Variants in LRRD1 observed in about 807,000 individuals in gnomAD.
LRRD1 encodes leucine rich repeats and death domain containing 1.
Under a neutral mutation model 69.5 loss-of-function variants are expected in LRRD1, and 49 were observed. That is an observed-to-expected ratio of 0.70 (90% CI 0.56 to 0.89). The LOEUF (loss-of-function observed/expected upper bound fraction) is 0.89, where lower values mean the gene tolerates loss of function less well. LRRD1 is among the 40% of genes least tolerant of loss of function. The pLI, the probability that LRRD1 is intolerant of heterozygous loss-of-function variation, is 0.00. For missense variants in LRRD1, 853 were observed against 956.0 expected, an observed-to-expected ratio of 0.89 and a Z score of 1.42; for synonymous variants, 303 against 338.9, an observed-to-expected ratio of 0.89 and a Z score of 1.16.
chr7:92,164,133 G>A lies in LRRD1; in HGVS notation c.1070C>T (p.Ala357Val), dbSNP rs1788850732. 1 of 1,549,532 alleles carries A rather than the reference G, an allele frequency of 6.5e-7. No homozygotes were observed. Among genetic ancestry groups the A allele is most frequent in the Non-Finnish European group, 8.7e-7 (1 of 1,146,310 alleles). ...QLLKIKELQL[A>V]DNKLEVISHK... is the part of the protein sequence containing the mutation. ...TGAAATAACTTCCAATTTATTGTCG[G>A]CCAGTTGGAGTTCTTTTATTTTGAG... is the stretch of plus-strand genomic sequence containing the variant. The change falls in exon 2 of 6, where the codon GCC (alanine) becomes GTC (valine). Residue 357 changes from alanine to valine, a missense_variant. Ala to Val is a moderately conservative substitution (Grantham distance 64). Transcript: ENST00000458448.
intron 3 of LRRD1, 118 bp downstream of exon 3, chr7:92,158,887 G>A (rs1788736393): frequency 1.3e-6 from 1 of 740,936 alleles, no homozygotes; most frequent in East Asian, 3.1e-5. Flanking sequence ...TCCTTCTAAT[G>A]GTGACTTAAT....
At chr7:92,178,877 GAA>G (rs1176553533) in intron 1 of LRRD1, 128 bp downstream of exon 1, 1 of 152,154 alleles carries the variant, frequency 6.6e-6, no homozygotes, top group Non-Finnish European at 1.5e-5. Flanking sequence ...TCTAAATGTG[GAA>G]AAAGAGACAT....
chr7:92,143,450 A>C (rs956853693), downstream of LRRD1, among the ~76,000 whole-genome samples: 25 of 152,152 alleles, frequency 1.6e-4, no homozygotes, highest in Non-Finnish European at 2.8e-4. Flanking sequence ...CTCTGGCCGC[A>C]CAGGAGCCCA....
At chr7:92,170,408 T>C (rs1789029505) in intron 1 of LRRD1, among the ~76,000 whole-genome samples, 1 of 152,042 alleles carries the variant, frequency 6.6e-6, no homozygotes, top group Non-Finnish European at 1.5e-5. Context: ...CCAAGCAGAT[T>C]CAACCCAAAT....
At chr7:92,158,458 T>C (rs1016813541) in intron 3 of LRRD1, among the ~76,000 whole-genome samples, 7 of 152,210 alleles carry the variant, frequency 4.6e-5, no homozygotes, top group Admixed American at 6.5e-5. Context: ...TGTGTATGTG[T>C]GTATATATAT....
intron 1 of LRRD1, among the ~76,000 whole-genome samples, chr7:92,173,203 C>T (rs577341181): frequency 1.3e-5 from 2 of 152,240 alleles, no homozygotes; most frequent in East Asian, 3.9e-4. Flanking sequence ...ATCAAAATGG[C>T]TTACATACTT....
chr7:92,145,394 G>T (rs1820293111), intron 5 of LRRD1, among the ~76,000 whole-genome samples: 1 of 150,818 alleles, frequency 6.6e-6, no homozygotes, highest in Admixed American at 6.6e-5. Context: ...CATAATTGTG[G>T]GTTATTTCTA....
chr7:92,151,900 G>C (rs1820476823), intron 3 of LRRD1, among the ~76,000 whole-genome samples: 1 of 147,670 alleles, frequency 6.8e-6, no homozygotes. Context: ...AGGGAGCCGA[G>C]ATAATGCCAT....
downstream of LRRD1, chr7:92,142,741 G>C: frequency 2.3e-6 from 1 of 438,452 alleles, no homozygotes; most frequent in Non-Finnish European, 4.5e-6. Flanking sequence ...CGCAGTGAGT[G>C]TTACAGCTCT....
chr7:92,149,049 A>AG (rs765119245), intron 4 of LRRD1, among the ~76,000 whole-genome samples: 5 of 99,800 alleles, frequency 5.0e-5, no homozygotes, highest in Non-Finnish European at 7.7e-5. Context: ...ACCTGGCCAA[A>AG]AATCCCTTTT....
intron 3 of LRRD1, among the ~76,000 whole-genome samples, chr7:92,158,539 T>A (rs1788723158): frequency 6.6e-6 from 1 of 152,304 alleles, no homozygotes; most frequent in East Asian, 1.9e-4. Context: ...GTGGTTTATT[T>A]TCTTATCTAC....
At chr7:92,154,696 G>C (rs1266844754) in intron 3 of LRRD1, among the ~76,000 whole-genome samples, 1 of 151,864 alleles carries the variant, frequency 6.6e-6, no homozygotes, top group Non-Finnish European at 1.5e-5. Flanking sequence ...ATTATATTGT[G>C]GTTATTTATT....
At chr7:92,158,898 A>G in intron 3 of LRRD1, 107 bp downstream of exon 3, 1 of 839,166 alleles carries the variant, frequency 1.2e-6, no homozygotes, top group East Asian at 2.9e-5. Flanking sequence ...GTGACTTAAT[A>G]CCTTATGTTG....
intron 4 of LRRD1, among the ~76,000 whole-genome samples, chr7:92,148,658 C>A (rs772954923): frequency 1.3e-5 from 2 of 151,638 alleles, no homozygotes; most frequent in Non-Finnish European, 2.9e-5. Flanking sequence ...GATTCTAAGC[C>A]CTTCTCTAAA....
intron 1 of LRRD1, among the ~76,000 whole-genome samples, chr7:92,171,285 T>C (rs756605745): frequency 5.3e-5 from 8 of 151,680 alleles, no homozygotes; most frequent in Non-Finnish European, 8.8e-5. Flanking sequence ...AACATTTGTC[T>C]AGACTAAGAA....
At position 92,150,575 on chromosome 7, in the gene LRRD1, T is replaced by C; in HGVS notation, c.2237A>G (p.Tyr746Cys). ...CCTCTGTAGATAGCGTGCAATAGTA[T>C]ACAACTGTTTTCCTTTACAGATTTC... ...PVEICKGKQL[Y>C]TIARYLQRAD... The change falls in exon 4 of 6, where the codon TAT becomes TGT. Residue 746 changes from tyrosine to cysteine, a missense_variant. This residue lies in a region of LRRD1 where 739 missense variants were observed against 808.0 expected (regional missense o/e 0.91). Coordinates refer to ENST00000458448, the MANE Select transcript of LRRD1 (RefSeq NM_001161528.2). The C allele has an allele frequency of 1.3e-6, 2 of 1,551,646 alleles. No homozygotes were observed. Among genetic ancestry groups the C allele is most frequent in the South Asian group, 2.4e-5 (2 of 84,062 alleles).
chr7:92,178,790 T>C (rs898255312), intron 1 of LRRD1: 1 of 152,264 alleles, frequency 6.6e-6, no homozygotes, highest in East Asian at 1.9e-4. Flanking sequence ...CAATGTAATT[T>C]GTTACCTATC....
chr7:92,162,074 T>C (rs900843061), intron 2 of LRRD1, among the ~76,000 whole-genome samples: 2 of 152,256 alleles, frequency 1.3e-5, no homozygotes, highest in Admixed American at 6.5e-5. Context: ...GATTATTATA[T>C]TGCAGATATA....
At chr7:92,178,683 AATACATACATAC>A (rs947513346) in intron 1 of LRRD1, among the ~76,000 whole-genome samples, 1 of 152,182 alleles carries the variant, frequency 6.6e-6, no homozygotes, top group African/African-American at 2.4e-5. Context: ...AAAATAAATA[AATACATACATAC>A]ATACATACAA....
Sources: allele counts gnomAD v4.1 joint callset (sites outside exome capture counted in the v4.1 genomes callset), GRCh38; gene constraint gnomAD v4.1.1; regional missense constraint gnomAD v4.1.1; transcripts MANE v1.5; gene names NCBI Gene and HGNC (gene_info 2026-07-23, HGNC 2026-07-21).